The following CHCHD4 variants were observed in gnomAD, a reference collection of about 807,000 sequenced individuals.
The protein encoded by CHCHD4 is mitochondrial intermembrane space import and assembly protein 40.
Under a neutral mutation model 12.4 loss-of-function variants are expected in CHCHD4, and 7 were observed. That is an observed-to-expected ratio of 0.57 (90% CI 0.32 to 1.06). CHCHD4 has a LOEUF of 1.06. CHCHD4 is among the 50% of genes least tolerant of loss of function. The pLI, the probability that CHCHD4 is intolerant of heterozygous loss-of-function variation, is 0.04. For synonymous variants in CHCHD4, 56 were observed against 58.0 expected (o/e 0.97, Z 0.16); for missense variants, 143 against 175.1 (o/e 0.82, Z 1.03).
intron 1 of CHCHD4, among the ~76,000 whole-genome samples, chr3:14,118,642 C>T (rs967453061): frequency 8.5e-5 from 13 of 152,242 alleles, no homozygotes; most frequent in Non-Finnish European, 1.8e-4. Flanking sequence ...GAGCTGGCCT[C>T]TGCCTCAATA....
chr3:14,113,729 G>T (rs1363717069), intron 2 of CHCHD4, among the ~76,000 whole-genome samples: 1 of 152,132 alleles, frequency 6.6e-6, no homozygotes, highest in African/African-American at 2.4e-5. Context: ...GACGAAGAAA[G>T]ATGTCCAAGA....
At chr3:14,114,923 G>T (rs567319227) in intron 2 of CHCHD4, among the ~76,000 whole-genome samples, 2 of 152,282 alleles carry the variant, frequency 1.3e-5, no homozygotes, top group South Asian at 4.1e-4. Context: ...CCCCGCCCAG[G>T]CCCCCAGTTT....
At chr3:14,122,942 C>T (rs1409393853) in intron 1 of CHCHD4, among the ~76,000 whole-genome samples, 3 of 149,636 alleles carry the variant, frequency 2.0e-5, no homozygotes, top group Non-Finnish European at 3.0e-5. Flanking sequence ...AGAGACCAGG[C>T]TGGAAAGGCA....
chr3:14,115,671 A>G (rs1414340883), intron 2 of CHCHD4, among the ~76,000 whole-genome samples: 1 of 152,244 alleles, frequency 6.6e-6, no homozygotes, highest in African/African-American at 2.4e-5. Context: ...AATTCCAATC[A>G]GGAGCCCATA....
chr3:14,124,591 CG>C, intron 1 of CHCHD4, 63 bp downstream of exon 1: 2 of 1,415,818 alleles, frequency 1.4e-6, no homozygotes, highest in Non-Finnish European at 1.8e-6. Context: ...CGCGGGGCGC[CG>C]GGGCCCGCGT....
Position 14,112,602 on chromosome 3 carries a change from A to T in CHCHD4, c.*285T>A, listed in dbSNP as rs1169065465. ...CTTGGGTAATGGTTTTTAGTTGCTG[A>T]GCTTATTCAGCACATTATTTAAAAG... is the stretch of plus-strand genomic sequence containing the variant. On this transcript the variant is annotated 3_prime_UTR_variant, in exon 3 of 3. Coordinates refer to ENST00000396914, the MANE Select transcript of CHCHD4 (RefSeq NM_001098502.2). The T allele has an allele frequency of 1.5e-5, 5 of 325,280 alleles. No homozygotes were observed. The highest frequency in any genetic ancestry group is 4.5e-5 in the Admixed American group (1 of 22,136). 20.1% of individuals were successfully genotyped at this position (325,280 alleles called of 1,614,324 possible). A position where few individuals can be genotyped will look rare whatever the true frequency, so the allele number is the denominator to read the frequency against.
intron 1 of CHCHD4, among the ~76,000 whole-genome samples, chr3:14,116,962 G>A (rs775129406): frequency 1.3e-4 from 20 of 152,216 alleles, no homozygotes; most frequent in Non-Finnish European, 1.8e-4. Context: ...GCTCCTAATC[G>A]TGGCCGGAAG....
chr3:14,114,420 G>A (rs1211386217), intron 2 of CHCHD4, among the ~76,000 whole-genome samples: 1 of 152,156 alleles, frequency 6.6e-6, no homozygotes, highest in African/African-American at 2.4e-5. Context: ...TACTCATGCA[G>A]TCTCTGGGGT....
intron 1 of CHCHD4, among the ~76,000 whole-genome samples, 180 bp from the exon 2 acceptor site, chr3:14,116,704 G>A (rs971336543): frequency 2.0e-5 from 3 of 152,058 alleles, no homozygotes; most frequent in African/African-American, 7.3e-5. Context: ...GATGGATAAG[G>A]GGCAGGGCAG....
Position 14,112,706 on chromosome 3 carries a change from A to T in CHCHD4, c.*181T>A. On this transcript the variant is annotated 3_prime_UTR_variant, in exon 3 of 3. Transcript: ENST00000396914. Reference sequence around the variant, plus strand: ...TAGGACACACATACATACAACCCCCATTTTTTTCAGTGTATATGTCAAGAT... The same window carrying T: ...TAGGACACACATACATACAACCCCCTTTTTTTTCAGTGTATATGTCAAGAT... 1 of 583,210 alleles carries T rather than the reference A, an allele frequency of 1.7e-6. No individual in the cohort carries two copies. Among genetic ancestry groups the T allele is most frequent in the South Asian group, 3.0e-5 (1 of 33,818 alleles). The allele number at this position is 583,210 out of a possible 1,614,324, so 36.1% of individuals were successfully genotyped here.
intron 1 of CHCHD4, 83 bp downstream of exon 1, chr3:14,124,572 C>T: frequency 2.2e-6 from 3 of 1,337,874 alleles, no homozygotes; most frequent in Admixed American, 3.7e-5. Context: ...GGCCCGCGCC[C>T]GGCGTGGTCG....
chr3:14,116,577 G>A, intron 1 of CHCHD4, 53 bp from the exon 2 acceptor site: 1 of 1,360,078 alleles, frequency 7.4e-7, no homozygotes, highest in South Asian at 1.2e-5. Flanking sequence ...CAGTGAATCA[G>A]CTTTAAACCC....
intron 1 of CHCHD4, among the ~76,000 whole-genome samples, chr3:14,122,488 T>G (rs1036692326): frequency 6.6e-6 from 1 of 152,224 alleles, no homozygotes; most frequent in African/African-American, 2.4e-5. Flanking sequence ...AGGAGAAGTG[T>G]GGCTAGCCCA....
At chr3:14,115,575 A>G (rs1694868781) in intron 2 of CHCHD4, among the ~76,000 whole-genome samples, 1 of 152,200 alleles carries the variant, frequency 6.6e-6, no homozygotes, top group Non-Finnish European at 1.5e-5. Flanking sequence ...CTGGATATGT[A>G]TTTTATGCTT....
At chr3:14,124,571 C>A (rs1241911962) in intron 1 of CHCHD4, 84 bp downstream of exon 1, 2 of 1,333,434 alleles carry the variant, frequency 1.5e-6, no homozygotes, top group Non-Finnish European at 2.0e-6. Context: ...TGGCCCGCGC[C>A]CGGCGTGGTC....
intron 2 of CHCHD4, 28 bp downstream of exon 2, chr3:14,116,398 G>T (rs745782284): frequency 2.8e-5 from 41 of 1,471,782 alleles, no homozygotes; most frequent in Non-Finnish European, 3.7e-5. Flanking sequence ...CCCTGGTGTG[G>T]GTCCCTGGGA....
At chr3:14,124,609 C>T (rs1180347011) in intron 1 of CHCHD4, 46 bp downstream of exon 1, 2 of 1,471,268 alleles carry the variant, frequency 1.4e-6, no homozygotes, top group Non-Finnish European at 1.8e-6. Flanking sequence ...GCGTGTCTCC[C>T]GCAGGCCCTC....
chr3:14,120,967 G>A (rs1264190945), intron 1 of CHCHD4, among the ~76,000 whole-genome samples: 2 of 152,142 alleles, frequency 1.3e-5, no homozygotes, highest in Non-Finnish European at 2.9e-5. Flanking sequence ...TCAGTGGCTT[G>A]GACTGCTTCT....
At chr3:14,118,099 A>C (rs772976055) in intron 1 of CHCHD4, among the ~76,000 whole-genome samples, 3 of 152,232 alleles carry the variant, frequency 2.0e-5, no homozygotes, top group Admixed American at 6.5e-5. Flanking sequence ...TCTACAGACC[A>C]ACTGACCATG....
Sources: gnomAD v4.1 joint callset for allele counts (sites outside exome capture counted in the v4.1 genomes callset) on GRCh38, gnomAD v4.1.1 for gene constraint, MANE v1.5 for transcripts, NCBI Gene and HGNC (gene_info 2026-07-23, HGNC 2026-07-21) for gene names.